The following TAOK1 variants were observed in gnomAD, a reference collection of about 807,000 sequenced individuals.
TAOK1 encodes the protein serine/threonine-protein kinase TAO1.
In TAOK1, 21 loss-of-function variants were observed where a neutral mutation model predicts 138.3. The observed-to-expected ratio is 0.15, with a 90% CI of 0.11 to 0.22. TAOK1 has a LOEUF of 0.22. Ranked by LOEUF, TAOK1 falls within the 10% of genes least tolerant of loss-of-function variation. The probability of loss-of-function intolerance (pLI) is 1.00; values close to 1 mark genes in which losing one functional copy is unlikely to be tolerated. For missense variants in TAOK1, 651 were observed against 1,227.7 expected, an observed-to-expected ratio of 0.53 and a Z score of 7.02; for synonymous variants, 361 against 398.4, an observed-to-expected ratio of 0.91 and a Z score of 1.12.
At position 29,536,700 on chromosome 17, in the gene TAOK1, CTT is replaced by C. The variant is rs547178969; in HGVS notation, c.2544+2416_2544+2417del. ...ATTTCCTAAATCCATGTCATTCAAA[CTT>C]TTTTTTTTTTTTTTTGAGACGGAGT... On this transcript the variant is annotated intron_variant, in intron 19 of 19. Coordinates refer to ENST00000261716, the MANE Select transcript of TAOK1 (RefSeq NM_020791.4). Among the ~76,000 whole-genome samples, 88 of 128,534 alleles carry C rather than the reference CTT, an allele frequency of 6.8e-4. 1 individual carries two copies. The highest frequency in any genetic ancestry group is 7.4e-4 in the Admixed American group (9 of 12,208). The allele number at this position is 128,534 out of a possible 152,430, so 84.3% of individuals were successfully genotyped here.
intron 18 of TAOK1, among the ~76,000 whole-genome samples, chr17:29,531,608 C>T (rs2032110209): frequency 6.6e-6 from 1 of 151,682 alleles, no homozygotes. Context: ...ACTAAAAATA[C>T]AAAAATTAGC....
chr17:29,510,511 C>T (rs2031702231), intron 14 of TAOK1, among the ~76,000 whole-genome samples: 1 of 152,030 alleles, frequency 6.6e-6, no homozygotes, highest in African/African-American at 2.4e-5. Flanking sequence ...CTACAATGAA[C>T]ATGTATTGCA....
At chr17:29,522,633 T>C (rs578177456) in intron 17 of TAOK1, 114 bp downstream of exon 17, 7 of 1,434,534 alleles carry the variant, frequency 4.9e-6, no homozygotes, top group Non-Finnish European at 6.6e-6. Flanking sequence ...AAGCTTCTTT[T>C]CATTTTTAGC....
intron 2 of TAOK1, among the ~76,000 whole-genome samples, chr17:29,465,765 T>G (rs971448891): frequency 1.4e-4 from 21 of 151,724 alleles, no homozygotes; most frequent in Non-Finnish European, 1.5e-4. Flanking sequence ...ACTTTCTTAA[T>G]AGTTATTTTT....
chr17:29,538,328 G>T (rs966212610), intron 19 of TAOK1, among the ~76,000 whole-genome samples: 1 of 152,008 alleles, frequency 6.6e-6, no homozygotes, highest in Non-Finnish European at 1.5e-5. Flanking sequence ...TTAAAATATG[G>T]TTTTATTCAT....
chr17:29,480,589 C>A, intron 7 of TAOK1, 108 bp downstream of exon 7: 1 of 941,612 alleles, frequency 1.1e-6, no homozygotes, highest in Non-Finnish European at 1.5e-6. Context: ...TTAAACTCGG[C>A]CAGGTGCAAT....
intron 1 of TAOK1, among the ~76,000 whole-genome samples, chr17:29,392,059 A>G (rs984723327): frequency 6.6e-6 from 1 of 152,148 alleles, no homozygotes; most frequent in Admixed American, 6.6e-5. Flanking sequence ...TGCTAAAAAT[A>G]CAAAAAATTA....
rs1357418159 is a variant in TAOK1, at chr17:29,542,844, C to T, written c.2828C>T (p.Pro943Leu). The T allele has an allele frequency of 6.2e-7, 1 of 1,614,156 alleles. No homozygotes were observed. Among genetic ancestry groups the T allele is most frequent in the Non-Finnish European group, 8.5e-7 (1 of 1,180,016 alleles). Reference protein sequence around the residue: ...WGHPMQGGPQPWGHPSGPMQG... With the variant: ...WGHPMQGGPQLWGHPSGPMQG... ...CATCCAATGCAAGGTGGACCCCAGC[C>T]ATGGGGTCACCCTTCAGGGCCAATG... Residue 943 changes from proline to leucine, a missense_variant, in exon 20 of 20, where the codon CCA becomes CTA. This residue lies in a region of TAOK1 where 108 missense variants were observed against 120.3 expected (regional missense o/e 0.90). Transcript: ENST00000261716.
At chr17:29,409,861 G>A (rs1364827889) in intron 1 of TAOK1, among the ~76,000 whole-genome samples, 1 of 152,140 alleles carries the variant, frequency 6.6e-6, no homozygotes. Flanking sequence ...TTTAGGAGTA[G>A]GGGATGTAAG....
Position 29,477,690 on chromosome 17 carries a change from T to C in TAOK1, c.336T>C (p.Ala112=). The C allele has an allele frequency of 7.1e-7, 1 of 1,414,476 alleles. No individual in the cohort carries two copies. Among genetic ancestry groups the C allele is most frequent in the Non-Finnish European group, 9.3e-7 (1 of 1,073,482 alleles). 87.6% of individuals were successfully genotyped at this position (1,414,476 alleles called of 1,614,324 possible). Residue 112 remains alanine, a synonymous_variant, in exon 5 of 20, where the codon GCT becomes GCC. Coordinates refer to ENST00000261716, the MANE Select transcript of TAOK1 (RefSeq NM_020791.4). ...WLVMEYCLGS[A]SDLLEVHKKP... ...TAATGGAATATTGTTTAGGATCTGC[T>C]TCGGATTTACTAGAAGGTAAGTTCC...
intron 1 of TAOK1, among the ~76,000 whole-genome samples, chr17:29,393,867 G>T (rs1264022372): frequency 6.6e-6 from 1 of 152,130 alleles, no homozygotes; most frequent in Non-Finnish European, 1.5e-5. Context: ...AGGTTTTAAA[G>T]AAGTACAGCA....
chr17:29,416,898 T>C (rs2153021442), intron 1 of TAOK1, among the ~76,000 whole-genome samples: 1 of 152,336 alleles, frequency 6.6e-6, no homozygotes, highest in South Asian at 2.1e-4. Context: ...TTTATCATAT[T>C]TTCCCATCCC....
intron 8 of TAOK1, among the ~76,000 whole-genome samples, chr17:29,483,049 C>T (rs1168837781): frequency 6.6e-6 from 1 of 152,140 alleles, no homozygotes; most frequent in African/African-American, 2.4e-5. Flanking sequence ...TCCTTTTTAT[C>T]TTCTTATAAG....
At chr17:29,485,701 C>G (rs1356124926) in intron 8 of TAOK1, among the ~76,000 whole-genome samples, 1 of 152,126 alleles carries the variant, frequency 6.6e-6, no homozygotes, top group African/African-American at 2.4e-5. Flanking sequence ...TCATTTTTCC[C>G]ATTGAGAGGA....
intron 17 of TAOK1, among the ~76,000 whole-genome samples, chr17:29,526,558 G>A (rs562976759): frequency 6.6e-6 from 1 of 152,124 alleles, no homozygotes; most frequent in Admixed American, 6.5e-5. Flanking sequence ...TGTGATTACA[G>A]GCATGCACCA....
chr17:29,472,141 G>T (rs2559621), intron 3 of TAOK1, among the ~76,000 whole-genome samples: 2 of 152,016 alleles, frequency 1.3e-5, no homozygotes, highest in Admixed American at 1.3e-4. Context: ...GCCCTCCCAT[G>T]AGTCGGAAAC....
chr17:29,430,428 CG>C (rs2153022571), intron 1 of TAOK1, among the ~76,000 whole-genome samples: 2 of 152,284 alleles, frequency 1.3e-5, no homozygotes, highest in South Asian at 4.1e-4. Context: ...TGCAAACATC[CG>C]ATTGGTTGCA....
At chr17:29,410,160 G>T (rs925275004) in intron 1 of TAOK1, among the ~76,000 whole-genome samples, 2 of 152,136 alleles carry the variant, frequency 1.3e-5, no homozygotes, top group Admixed American at 6.6e-5. Flanking sequence ...TAATCTCTGG[G>T]CCTCAGTTCA....
chr17:29,458,337 T>A (rs185675912), intron 2 of TAOK1, among the ~76,000 whole-genome samples: 1 of 152,334 alleles, frequency 6.6e-6, no homozygotes, highest in East Asian at 1.9e-4. Flanking sequence ...TTATAATCAA[T>A]TCCCAGATGT....
Sources: gnomAD v4.1 joint callset for allele counts (sites outside exome capture counted in the v4.1 genomes callset) on GRCh38, gnomAD v4.1.1 for gene constraint, gnomAD v4.1.1 regional missense constraint, MANE v1.5 for transcripts, NCBI Gene and HGNC (gene_info 2026-07-23, HGNC 2026-07-21) for gene names.